PALM2AKAP2: variants seen among roughly 807,000 people sequenced by gnomAD.
PALM2AKAP2 encodes PALM2 and AKAP2 fusion, also known as PALM2-AKAP2 fusion protein.
Under a neutral mutation model 71.5 loss-of-function variants are expected in PALM2AKAP2, and 37 were observed. That is an observed-to-expected ratio of 0.52 (90% CI 0.40 to 0.68). The LOEUF (loss-of-function observed/expected upper bound fraction) is 0.68. PALM2AKAP2 is among the 30% of genes least tolerant of loss of function. The probability of loss-of-function intolerance (pLI) is 0.00; values close to 1 mark genes in which losing one functional copy is unlikely to be tolerated. For missense variants in PALM2AKAP2, 1,224 were observed against 1,191.8 expected (o/e 1.03, Z -0.40); for synonymous variants, 468 against 478.8 (o/e 0.98, Z 0.29).
intron 1 of PALM2AKAP2, among the ~76,000 whole-genome samples, chr9:110,094,552 A>G (rs1399408457): frequency 6.6e-6 from 1 of 151,644 alleles, no homozygotes; most frequent in African/African-American, 2.4e-5. Context: ...TGGAAGGCAA[A>G]GGGGGAGTGA....
intron 3 of PALM2AKAP2, among the ~76,000 whole-genome samples, chr9:109,886,158 GC>G (rs1404123069): frequency 6.6e-6 from 1 of 152,142 alleles, no homozygotes; most frequent in Non-Finnish European, 1.5e-5. Context: ...TGTATGCTTT[GC>G]TTCTTTTTGG....
intron 1 of PALM2AKAP2, among the ~76,000 whole-genome samples, chr9:110,058,929 C>G (rs1175183006): frequency 9.1e-6 from 1 of 109,506 alleles, no homozygotes; most frequent in East Asian, 3.0e-4. Context: ...GAGATGGAGT[C>G]TTACTCTGTT....
rs562544044 is a variant in PALM2AKAP2 at position 110,036,289 on chromosome 9, T to C, written c.582+20250T>C. Among the ~76,000 whole-genome samples the C allele has an allele frequency of 2.7e-4, 41 of 152,236 alleles. No individual in the cohort carries two copies. In the South Asian group the frequency reaches 8.3e-3, roughly 31 times the overall value. On this transcript the variant is annotated intron_variant, in intron 7 of 9. Coordinates refer to the PALM2AKAP2 transcript ENST00000302798. The stretch of plus-strand genomic sequence containing the variant: ...CTAGAAACCCTGATCAAGTGGGAGT[T>C]TTTTTGAACCCGTTAATAAGAACAC...
intron 6 of PALM2AKAP2, among the ~76,000 whole-genome samples, chr9:109,984,712 T>A (rs935573691): frequency 1.1e-4 from 17 of 150,842 alleles, no homozygotes; most frequent in African/African-American, 3.9e-4. Flanking sequence ...TTTTTTTTTT[T>A]TTAAAGAAAA....
intron 6 of PALM2AKAP2, among the ~76,000 whole-genome samples, chr9:109,982,762 C>G (rs1358697581): frequency 6.6e-6 from 1 of 152,198 alleles, no homozygotes; most frequent in Non-Finnish European, 1.5e-5. Flanking sequence ...GTAGCTAGGG[C>G]TGTTGGTGTG....
chr9:109,677,884 G>A lies in PALM2AKAP2; in HGVS notation c.5+37018G>A, dbSNP rs181399332. On this transcript the variant is annotated intron_variant, in intron 1 of 6. Coordinates refer to the PALM2AKAP2 transcript ENST00000374531. ...AATACAAATGGGTGAAAAGAAATAG[G>A]TGATAAAATCAAGACAAATGGGAAA... is the stretch of plus-strand genomic sequence containing the variant. Among the ~76,000 whole-genome samples the A allele has an allele frequency of 1.2e-4, 18 of 152,196 alleles. No homozygotes were observed. The East Asian group carries it at 2.3e-3, about 20-fold the overall frequency.
intron 1 of PALM2AKAP2, among the ~76,000 whole-genome samples, chr9:110,120,421 C>T (rs571466328): frequency 1.3e-5 from 2 of 152,298 alleles, no homozygotes; most frequent in African/African-American, 2.4e-5. Context: ...AGTGCCTTTC[C>T]CTTAAATGTC....
chr9:109,954,672 A>T (rs867342726), intron 6 of PALM2AKAP2, among the ~76,000 whole-genome samples: 1,719 of 151,332 alleles, frequency 0.011, 36 homozygotes, highest in African/African-American at 0.039. Context: ...AAAAAAAAAA[A>T]AAAAAAAAAG....
chr9:109,759,787 T>G (rs987962694), intron 1 of PALM2AKAP2, among the ~76,000 whole-genome samples: 1 of 152,170 alleles, frequency 6.6e-6, no homozygotes, highest in African/African-American at 2.4e-5. Flanking sequence ...TAGTTAGTTA[T>G]GTACATGAGT....
chr9:109,739,403 A>C (rs1460946470), intron 1 of PALM2AKAP2, among the ~76,000 whole-genome samples: 1 of 152,242 alleles, frequency 6.6e-6, no homozygotes, highest in Non-Finnish European at 1.5e-5. Context: ...CTATTTAAAA[A>C]AAATAGATGT....
intron 2 of PALM2AKAP2, among the ~76,000 whole-genome samples, chr9:109,872,304 T>C (rs1305152635): frequency 6.6e-6 from 1 of 152,214 alleles, no homozygotes; most frequent in East Asian, 1.9e-4. Context: ...AATCAGCTAC[T>C]ATATCATACT....
chr9:110,106,276 T>TGG (rs1348185155), intron 1 of PALM2AKAP2, among the ~76,000 whole-genome samples: 1 of 152,194 alleles, frequency 6.6e-6, no homozygotes, highest in African/African-American at 2.4e-5. Context: ...TGAGAACTTG[T>TGG]GACTATAGCC....
chr9:110,004,825 T>A (rs928491899), intron 6 of PALM2AKAP2, among the ~76,000 whole-genome samples: 1 of 152,276 alleles, frequency 6.6e-6, no homozygotes. Flanking sequence ...TCGAATTGGC[T>A]ACTGGGGCTT....
At chr9:109,974,669 A>C (rs1760165729) in intron 6 of PALM2AKAP2, among the ~76,000 whole-genome samples, 1 of 152,232 alleles carries the variant, frequency 6.6e-6, no homozygotes, top group South Asian at 2.1e-4. Context: ...AGTGTACCGC[A>C]ATAGTAAGAA....
At chr9:110,028,960 A>T (rs1833230439) in intron 7 of PALM2AKAP2, among the ~76,000 whole-genome samples, 1 of 152,072 alleles carries the variant, frequency 6.6e-6, no homozygotes, top group Admixed American at 6.5e-5. Context: ...AAAAAAAAAA[A>T]AAGACTTTTT....
At chr9:109,804,990 A>T (rs1169514770) in intron 1 of PALM2AKAP2, among the ~76,000 whole-genome samples, 2 of 152,152 alleles carry the variant, frequency 1.3e-5, no homozygotes, top group African/African-American at 4.8e-5. Flanking sequence ...AGCTTTTTTC[A>T]TTTCACATTT....
chr9:109,812,397 T>A (rs968261133), intron 1 of PALM2AKAP2, among the ~76,000 whole-genome samples: 1 of 151,990 alleles, frequency 6.6e-6, no homozygotes, highest in East Asian at 1.9e-4. Context: ...CCTGGGTTGG[T>A]CTCTTTGCTG....
At chr9:110,034,652 T>G (rs1234707005) in intron 7 of PALM2AKAP2, among the ~76,000 whole-genome samples, 1 of 146,074 alleles carries the variant, frequency 6.8e-6, no homozygotes, top group Non-Finnish European at 1.5e-5. Context: ...TTGCCCAGGC[T>G]GGAGTGCAGT....
intron 1 of PALM2AKAP2, among the ~76,000 whole-genome samples, chr9:109,863,383 C>G (rs1007626430): frequency 2.6e-5 from 4 of 152,040 alleles, no homozygotes. Flanking sequence ...TAAGTAGTGT[C>G]ATTTGCTGAG....
Sources: gnomAD v4.1 joint callset for allele counts (sites outside exome capture counted in the v4.1 genomes callset) on GRCh38, gnomAD v4.1.1 for gene constraint, MANE v1.5 for transcripts, NCBI Gene and HGNC (gene_info 2026-07-23, HGNC 2026-07-21) for gene names.